Variants in HERC6 observed in about 807,000 individuals in gnomAD.
The protein encoded by HERC6 is HECT and RLD domain containing E3 ubiquitin protein ligase family member 6, also known as probable E3 ubiquitin-protein ligase HERC6.
A neutral mutation model predicts 114.5 loss-of-function variants in HERC6; 101 were observed. The observed-to-expected ratio is 0.88, with a 90% CI of 0.75 to 1.04. The LOEUF (loss-of-function observed/expected upper bound fraction) is 1.04, where lower values mean the gene tolerates loss of function less well. Among genes scored for constraint, HERC6 ranks in the 50% least tolerant of loss-of-function variants. The pLI is 0.00. For synonymous variants in HERC6, 408 were observed against 436.2 expected (o/e 0.94, Z 0.81); for missense variants, 1,133 against 1,230.9 (o/e 0.92, Z 1.19).
intron 8 of HERC6, among the ~76,000 whole-genome samples, chr4:88,401,077 T>A (rs1290416522): frequency 6.6e-6 from 1 of 152,292 alleles, no homozygotes; most frequent in East Asian, 1.9e-4. Flanking sequence ...GAAGGAAACC[T>A]GACCCGAGTG....
intron 10 of HERC6, among the ~76,000 whole-genome samples, chr4:88,406,759 T>A (rs1456907884): frequency 2.6e-5 from 4 of 151,996 alleles, no homozygotes; most frequent in African/African-American, 9.7e-5. Context: ...TTTTATTATT[T>A]ATTTATTTAT....
intron 1 of HERC6, among the ~76,000 whole-genome samples, chr4:88,381,554 C>CTTTTTTT (rs142058374): frequency 6.3e-5 from 6 of 95,824 alleles, no homozygotes; most frequent in Non-Finnish European, 9.8e-5. Context: ...CCCTTCTCTT[C>CTTTTTTT]TTTTTTTTTT....
At chr4:88,434,890 G>T (rs1198717301) in intron 17 of HERC6, among the ~76,000 whole-genome samples, 4 of 152,020 alleles carry the variant, frequency 2.6e-5, no homozygotes, top group Non-Finnish European at 5.9e-5. Flanking sequence ...GGTTTCAGGG[G>T]ACCCCTTTGT....
intron 2 of HERC6, 38 bp downstream of exon 2, chr4:88,383,418 A>G: frequency 7.0e-7 from 1 of 1,420,264 alleles, no homozygotes; most frequent in South Asian, 1.5e-5. Flanking sequence ...TATTCAATAT[A>G]TATAGTACCA....
At chr4:88,393,627 G>T (rs772154748) in intron 5 of HERC6, 45 bp downstream of exon 5, 4 of 1,198,438 alleles carry the variant, frequency 3.3e-6, no homozygotes, top group Non-Finnish European at 4.9e-6. Flanking sequence ...CAGAGAAATG[G>T]TAACAAGATA....
intron 13 of HERC6, among the ~76,000 whole-genome samples, chr4:88,423,162 C>A (rs1478644044): frequency 6.7e-6 from 1 of 149,706 alleles, no homozygotes; most frequent in South Asian, 2.1e-4. Context: ...ATTTGTTTTT[C>A]ATTTCCTTAA....
chr4:88,428,575 T>C lies in HERC6; in HGVS notation c.1936-5T>C, dbSNP rs1249673919. The C allele has an allele frequency of 3.2e-6, 5 of 1,572,448 alleles. No individual in the cohort carries two copies. Among genetic ancestry groups the C allele is most frequent in the Non-Finnish European group, 4.3e-6 (5 of 1,165,200 alleles). Reference sequence around the variant, plus strand: ...AGAAGCCAACTAAAAAATTTATTTTTCCAGATGTCAGAAAAGAAAGCATAC... The same window carrying C: ...AGAAGCCAACTAAAAAATTTATTTTCCCAGATGTCAGAAAAGAAAGCATAC... On this transcript the variant is annotated splice_region_variant and splice_polypyrimidine_tract_variant and intron_variant, in intron 15 of 22. Transcript: ENST00000264346.
chr4:88,412,703 G>C (rs1443955439), intron 11 of HERC6, among the ~76,000 whole-genome samples: 1 of 152,216 alleles, frequency 6.6e-6, no homozygotes, highest in African/African-American at 2.4e-5. Flanking sequence ...AATGGATATT[G>C]TGTGAGGGGA....
intron 13 of HERC6, among the ~76,000 whole-genome samples, chr4:88,422,768 TTCTC>T (rs1737193998): frequency 6.6e-6 from 1 of 152,200 alleles, no homozygotes; most frequent in East Asian, 1.9e-4. Flanking sequence ...GGAATATTCT[TTCTC>T]TATTTTATGT....
intron 20 of HERC6, 132 bp from the exon 21 acceptor site, chr4:88,439,742 T>G: frequency 2.4e-6 from 2 of 820,664 alleles, no homozygotes; most frequent in Non-Finnish European, 3.5e-6. Flanking sequence ...CAATACAACA[T>G]TCTTGTGCTA....
intron 15 of HERC6, 86 bp downstream of exon 15, chr4:88,424,788 T>C (rs1737434493): frequency 1.4e-6 from 1 of 740,670 alleles, no homozygotes; most frequent in Non-Finnish European, 2.2e-6. Context: ...TCACCAAGAT[T>C]CAGCAATTGT....
chr4:88,412,452 T>C (rs1736164899), intron 11 of HERC6, among the ~76,000 whole-genome samples: 1 of 152,030 alleles, frequency 6.6e-6, no homozygotes, highest in Non-Finnish European at 1.5e-5. Context: ...CAAATAATTT[T>C]CTAAAATGGG....
Position 88,378,878 on chromosome 4 carries a change from G to A in HERC6, c.-44G>A, listed in dbSNP as rs1733991969. ...CCAGCGTTCGGGAGCCTGTCGCAGC[G>A]GGACCGACGGAATCCGGAGCAGGCG... On this transcript the variant is annotated 5_prime_UTR_variant, in exon 1 of 23. Coordinates refer to ENST00000264346, the MANE Select transcript of HERC6 (RefSeq NM_017912.4). 8.6e-6 allele frequency: 13 copies of A among 1,511,658 alleles called. No homozygotes were observed. The East Asian group carries it at 2.9e-4, about 34-fold the overall frequency. 93.6% of individuals were successfully genotyped at this position (1,511,658 alleles called of 1,614,324 possible). A position where few individuals can be genotyped will look rare whatever the true frequency, so the allele number is the denominator to read the frequency against.
At chr4:88,400,929 C>T (rs1385867050) in intron 8 of HERC6, among the ~76,000 whole-genome samples, 1 of 151,870 alleles carries the variant, frequency 6.6e-6, no homozygotes, top group African/African-American at 2.4e-5. Flanking sequence ...GGAACACATC[C>T]CCCATGGATA....
intron 10 of HERC6, among the ~76,000 whole-genome samples, chr4:88,407,433 T>C (rs961635380): frequency 2.0e-5 from 3 of 152,122 alleles, no homozygotes; most frequent in African/African-American, 7.2e-5. Context: ...TGGGGTCTTG[T>C]GCTGTTGCCC....
At chr4:88,383,424 T>C in intron 2 of HERC6, 44 bp downstream of exon 2, 2 of 1,401,520 alleles carry the variant, frequency 1.4e-6, no homozygotes, top group East Asian at 2.6e-5. Flanking sequence ...ATATATATAG[T>C]ACCATGTGCC....
chr4:88,427,833 GC>G (rs1737780700), intron 15 of HERC6, among the ~76,000 whole-genome samples: 1 of 152,220 alleles, frequency 6.6e-6, no homozygotes, highest in Admixed American at 6.5e-5. Context: ...TGTAACTGAA[GC>G]CCTTGAGGAG....
Position 88,440,208 on chromosome 4 carries a change from G to T in HERC6, c.2800G>T (p.Ala934Ser). ...SHPTIQLFWKAFHKLTLDEKK... is the reference protein window; with the variant it reads ...SHPTIQLFWKSFHKLTLDEKK... ...TCCTACTATACAGTTGTTTTGGAAG[G>T]CTTTCCACAAACTAACCTTGGATGA... Residue 934 changes from alanine (A) to serine (S), a missense_variant, in exon 22 of 23, where the codon GCT (alanine) becomes TCT (serine). Physicochemically the swap from Ala to Ser is moderately conservative, Grantham distance 99. This residue lies in a region of HERC6 where 388 missense variants were observed against 445.9 expected (regional missense o/e 0.87). Coordinates refer to ENST00000264346, the MANE Select transcript of HERC6 (RefSeq NM_017912.4). 1 of 1,606,440 alleles carries T rather than the reference G, an allele frequency of 6.2e-7. No homozygotes were observed. The highest frequency in any genetic ancestry group is 8.5e-7 in the Non-Finnish European group (1 of 1,175,776).
chr4:88,430,974 A>G (rs1738138031), intron 16 of HERC6, among the ~76,000 whole-genome samples, 188 bp from the exon 17 acceptor site: 1 of 152,204 alleles, frequency 6.6e-6, no homozygotes, highest in Non-Finnish European at 1.5e-5. Context: ...CAATCTGAGA[A>G]TAAATAGATT....
Sources: gnomAD v4.1 joint callset for allele counts (sites outside exome capture counted in the v4.1 genomes callset) on GRCh38, gnomAD v4.1.1 for gene constraint, gnomAD v4.1.1 regional missense constraint, MANE v1.5 for transcripts, NCBI Gene and HGNC (gene_info 2026-07-23, HGNC 2026-07-21) for gene names.